TTBK1: variants seen among roughly 807,000 people sequenced by gnomAD.
The protein encoded by TTBK1 is tau-tubulin kinase 1.
In TTBK1, 34 loss-of-function variants were observed where a neutral mutation model predicts 108.5. The ratio of observed to expected loss-of-function variants is 0.31; its 90% confidence interval spans 0.24 to 0.42. TTBK1 has a LOEUF of 0.42. Ranked by LOEUF, TTBK1 falls within the 10% of genes least tolerant of loss-of-function variation. TTBK1 has a pLI of 1.00. For missense variants in TTBK1, 1,539 were observed against 1,826.0 expected (o/e 0.84, Z 2.86); for synonymous variants, 809 against 795.1 (o/e 1.02, Z -0.29).
At chr6:43,261,662 A>G (rs1777541940) in intron 12 of TTBK1, among the ~76,000 whole-genome samples, 1 of 152,074 alleles carries the variant, frequency 6.6e-6, no homozygotes, top group African/African-American at 2.4e-5. Context: ...TAAAAATACA[A>G]AAATTAGGGA....
At chr6:43,281,017 G>A (rs1347490248) in intron 13 of TTBK1, among the ~76,000 whole-genome samples, 1 of 152,136 alleles carries the variant, frequency 6.6e-6, no homozygotes, top group Non-Finnish European at 1.5e-5. Context: ...AGTGAGACCA[G>A]AGCAGCCAGT....
chr6:43,246,619 C>G lies in TTBK1; in HGVS notation c.-42C>G, dbSNP rs1404337457. 4 of 1,536,108 alleles carry G rather than the reference C, an allele frequency of 2.6e-6. No homozygotes were observed. The Admixed American group carries it at 7.3e-5, about 28-fold the overall frequency. ...CTCACTCCCCTAGGTAGATGGCCCCCTCAGGGCAGGCCCGGCGGACACCCC... is the reference window on the plus strand; with the variant it reads ...CTCACTCCCCTAGGTAGATGGCCCCGTCAGGGCAGGCCCGGCGGACACCCC... On this transcript the variant is annotated 5_prime_UTR_variant, in exon 2 of 15. Coordinates refer to ENST00000259750, the MANE Select transcript of TTBK1 (RefSeq NM_032538.3).
Position 43,257,820 on chromosome 6 carries a change from G to A in TTBK1, c.870G>A (p.Met290Ile). 3 of 1,613,608 alleles carry A rather than the reference G, an allele frequency of 1.9e-6. No individual in the cohort carries two copies. Among genetic ancestry groups the A allele is most frequent in the Non-Finnish European group, 2.5e-6 (3 of 1,179,798 alleles). Residue 290 changes from methionine to isoleucine, a missense_variant, in exon 10 of 15, where the codon ATG becomes ATA. Met to Ile is a conservative substitution (Grantham distance 10, BLOSUM62 1). Around this residue, in one of 5 missense-constraint regions of TTBK1, gnomAD observed 277 missense variants for 332.4 expected, o/e 0.83. Transcript: ENST00000259750. The surrounding 1 kb of genome is among the most constrained non-coding windows in gnomAD (Gnocchi z 4.5). The part of the protein sequence containing the change: ...YFTKPDYQLI[M>I]SVFENSMKER... The stretch of plus-strand genomic sequence containing the variant: ...ACCCTCACCCCCTGCAGTTGATCAT[G>A]TCAGTGTTTGAGAACAGCATGAAGG...
rs1418569092 is a variant in TTBK1, at chr6:43,265,273, G to A, written c.1986+1923G>A. Reference sequence around the variant, plus strand: ...GCCAGTTCTACCACTTGCTCAGATTGGGAGGCCTTGCCTGGGATCACATGG... The same window carrying A: ...GCCAGTTCTACCACTTGCTCAGATTAGGAGGCCTTGCCTGGGATCACATGG... On this transcript the variant is annotated intron_variant, in intron 13 of 14. Transcript: ENST00000259750. This position sits in a 1 kb window ranked among gnomAD's most constrained non-coding sequence, Gnocchi z 4.1. Among the ~76,000 whole-genome samples the A allele has an allele frequency of 1.3e-5, 2 of 152,210 alleles. No individual in the cohort carries two copies. Among genetic ancestry groups the A allele is most frequent in the Non-Finnish European group, 2.9e-5 (2 of 68,026 alleles).
At chr6:43,266,994 C>CGTGT (rs1777694379) in intron 13 of TTBK1, among the ~76,000 whole-genome samples, 1 of 118,814 alleles carries the variant, frequency 8.4e-6, no homozygotes, top group Non-Finnish European at 1.8e-5. Context: ...GAGCCTGGAG[C>CGTGT]ATGCGTGTGT....
Position 43,285,320 on chromosome 6 carries a change from C to T in TTBK1, c.3910C>T (p.Arg1304Cys). 1 of 1,293,280 alleles carries T rather than the reference C, an allele frequency of 7.7e-7. No individual in the cohort carries two copies. Among genetic ancestry groups the T allele is most frequent in the Non-Finnish European group, 9.7e-7 (1 of 1,025,750 alleles). 80.1% of individuals were successfully genotyped at this position (1,293,280 alleles called of 1,614,324 possible). A position where few individuals can be genotyped will look rare whatever the true frequency, so the allele number is the denominator to read the frequency against. ...KGPRGKLQAQ[R>C]ATTKGRAGGA... ...ACCCAGAGGGAAACTCCAGGCTCAG[C>T]GCGCAACAACCAAAGGCCGGGCAGG... The change falls in exon 15 of 15, where the codon CGC (arginine) becomes TGC (cysteine). Residue 1304 changes from arginine (R) to cysteine (C), a missense_variant. Physicochemically the swap from Arg to Cys is radical, Grantham distance 180. Around this residue, in one of 5 missense-constraint regions of TTBK1, gnomAD observed 1,055 missense variants for 1,086.5 expected, o/e 0.97. Transcript: ENST00000259750. The surrounding 1 kb of genome is among the most constrained non-coding windows in gnomAD (Gnocchi z 4.7).
chr6:43,246,729 C>A lies in TTBK1; in HGVS notation c.69C>A (p.Ile23=). 1 of 1,611,724 alleles carries A rather than the reference C, an allele frequency of 6.2e-7. No homozygotes were observed. The highest frequency in any genetic ancestry group is 8.5e-7 in the Non-Finnish European group (1 of 1,178,896). ...GTGGGGGAGGGGAGCAGGCCGACATCCTGCCGGCCAACTACGTGGTCAAGG... is the reference window on the plus strand; with the variant it reads ...GTGGGGGAGGGGAGCAGGCCGACATACTGCCGGCCAACTACGTGGTCAAGG... ...NMSGGGEQAD[I]LPANYVVKDR... The change falls in exon 2 of 15, where the codon ATC becomes ATA. Residue 23 remains isoleucine, a synonymous_variant. Transcript: ENST00000259750.
intron 1 of TTBK1, among the ~76,000 whole-genome samples, chr6:43,246,342 C>T (rs1777085370): frequency 6.6e-6 from 1 of 152,204 alleles, no homozygotes; most frequent in Admixed American, 6.5e-5. Context: ...GAGTATGTCT[C>T]TCTCCCCTCG....
intron 1 of TTBK1, among the ~76,000 whole-genome samples, chr6:43,245,481 C>G (rs556047781): frequency 3.5e-4 from 54 of 152,132 alleles, no homozygotes; most frequent in Non-Finnish European, 7.2e-4. Flanking sequence ...AAAACACACA[C>G]AAGAACACAC....
chr6:43,269,841 C>T lies in TTBK1; in HGVS notation c.1986+6491C>T. On this transcript the variant is annotated intron_variant, in intron 13 of 14. Coordinates refer to ENST00000259750, the MANE Select transcript of TTBK1 (RefSeq NM_032538.3). The surrounding 1 kb of genome is among the most constrained non-coding windows in gnomAD (Gnocchi z 4.8). ...GAGCAGCCCTGTGCGGGCGCCCCAC[C>T]GGCGCCACGCGCCCCTCGCTGCTGG... 6.5e-7 allele frequency: 1 copy of T among 1,534,736 alleles called. No individual in the cohort carries two copies. The highest frequency in any genetic ancestry group is 8.7e-7 in the Non-Finnish European group (1 of 1,145,844).
intron 13 of TTBK1, chr6:43,270,550 C>T: frequency 1.0e-6 from 1 of 985,490 alleles, no homozygotes; most frequent in Non-Finnish European, 1.2e-6. Flanking sequence ...GCCCTGTGAC[C>T]TAGCGAGACT....
At chr6:43,246,897 A>G in intron 2 of TTBK1, 129 bp downstream of exon 2, 3 of 647,420 alleles carry the variant, frequency 4.6e-6, no homozygotes, top group Non-Finnish European at 2.6e-6. Flanking sequence ...TCATTTGCAT[A>G]CTGCTTGCAT....
At position 43,282,873 on chromosome 6, in the gene TTBK1, G is replaced by C. The variant is rs560655939; in HGVS notation, c.2133G>C (p.Ser711=). Residue 711 remains serine (S), a synonymous_variant, in exon 14 of 15, where the codon TCG becomes TCC. Coordinates refer to ENST00000259750, the MANE Select transcript of TTBK1 (RefSeq NM_032538.3). This position sits in a 1 kb window ranked among gnomAD's most constrained non-coding sequence, Gnocchi z 5.4. ...ACAGGGTCCGGAGGGTGGGCTTCTCGCACATGCTGCTCACCACCCCCCAGG... is the reference window on the plus strand; with the variant it reads ...ACAGGGTCCGGAGGGTGGGCTTCTCCCACATGCTGCTCACCACCCCCCAGG... The part of the protein sequence containing the change: ...LLNRVRRVGF[S]HMLLTTPQVP... The C allele has an allele frequency of 1.4e-5, 23 of 1,613,942 alleles. No individual in the cohort carries two copies. In the South Asian group the frequency reaches 1.8e-4, roughly 12 times the overall value.
At chr6:43,261,833 A>G (rs1460926919) in intron 12 of TTBK1, among the ~76,000 whole-genome samples, 1 of 150,052 alleles carries the variant, frequency 6.7e-6, no homozygotes, top group Non-Finnish European at 1.5e-5. Flanking sequence ...AAAAAAAGAT[A>G]ACGACAGAAG....
At chr6:43,261,238 T>C (rs1377140024) in intron 12 of TTBK1, among the ~76,000 whole-genome samples, 25 of 152,212 alleles carry the variant, frequency 1.6e-4, no homozygotes, top group Admixed American at 1.6e-3. Context: ...CCCCTGCCTC[T>C]GCAGCTGAAG....
At chr6:43,246,486 G>A in intron 1 of TTBK1, 121 bp from the exon 2 acceptor site, 1 of 535,184 alleles carries the variant, frequency 1.9e-6, no homozygotes. Flanking sequence ...GGTAACTCCT[G>A]GAGCATCTGT....
rs769810343 is a variant in TTBK1 at position 43,259,264 on chromosome 6, G to C, written c.1243G>C (p.Gly415Arg). Reference protein sequence around the residue: ...VNRNKLRINIGKSPCVEEEQS... With the variant: ...VNRNKLRINIRKSPCVEEEQS... ...CCGGAACAAACTCCGGATCAACATC[G>C]GCAAAGTAACTGCCGCCAGGGCGAA... is the stretch of plus-strand genomic sequence containing the variant. Residue 415 changes from glycine to arginine, a missense_variant, in exon 11 of 15, where the codon GGC (glycine) becomes CGC (arginine). Gly to Arg is a moderately radical substitution (Grantham distance 125). Around this residue, in one of 5 missense-constraint regions of TTBK1, gnomAD observed 277 missense variants for 332.4 expected, o/e 0.83. Coordinates refer to ENST00000259750, the MANE Select transcript of TTBK1 (RefSeq NM_032538.3). The surrounding 1 kb of genome is among the most constrained non-coding windows in gnomAD (Gnocchi z 6.7). The C allele has an allele frequency of 1.3e-6, 2 of 1,547,406 alleles. No homozygotes were observed. Among genetic ancestry groups the C allele is most frequent in the Non-Finnish European group, 1.7e-6 (2 of 1,148,128 alleles).
chr6:43,262,198 G>A (rs1188212848), intron 12 of TTBK1, among the ~76,000 whole-genome samples: 1 of 152,208 alleles, frequency 6.6e-6, no homozygotes. Flanking sequence ...GAGGCCTTGA[G>A]TGTAAACCAA....
Position 43,243,655 on chromosome 6 carries a change from C to G in TTBK1, c.-108C>G, listed in dbSNP as rs1019329539. ...CCCGGCCCCGGGGGATGCGCCGCCC[C>G]GAGCTGCTGCCTCCGCCGCCGCCGC... On this transcript the variant is annotated 5_prime_UTR_variant, in exon 1 of 15. Coordinates refer to ENST00000259750, the MANE Select transcript of TTBK1 (RefSeq NM_032538.3). The surrounding 1 kb of genome is among the most constrained non-coding windows in gnomAD (Gnocchi z 5.5). 5.2e-5 allele frequency: 8 copies of G among 152,918 alleles called. No homozygotes were observed. Among genetic ancestry groups the G allele is most frequent in the Non-Finnish European group, 8.7e-5 (6 of 68,654 alleles). The allele number at this position is 152,918 out of a possible 1,614,324, so 9.5% of individuals were successfully genotyped here.
Sources: gnomAD v4.1 joint callset for allele counts (sites outside exome capture counted in the v4.1 genomes callset) on GRCh38, gnomAD v4.1.1 for gene constraint, gnomAD v4.1.1 regional missense constraint, Gnocchi (gnomAD v3.1) non-coding constraint, MANE v1.5 for transcripts, NCBI Gene and HGNC (gene_info 2026-07-23, HGNC 2026-07-21) for gene names.